CDH13: variants seen among roughly 807,000 people sequenced by gnomAD.
The protein encoded by CDH13 is cadherin 13, also known as cadherin-13.
A neutral mutation model predicts 63.8 loss-of-function variants in CDH13; 24 were observed. The ratio of observed to expected loss-of-function variants is 0.38; its 90% confidence interval spans 0.27 to 0.53. The LOEUF (loss-of-function observed/expected upper bound fraction) is 0.53. CDH13 is among the 20% of genes least tolerant of loss of function. The pLI is 0.85. For missense variants in CDH13, 1,049 were observed against 903.1 expected, an observed-to-expected ratio of 1.16 and a Z score of -2.07; for synonymous variants, 503 against 355.3, an observed-to-expected ratio of 1.42 and a Z score of -4.67.
At chr16:83,698,922 G>C (rs1273876820) in intron 10 of CDH13, among the ~76,000 whole-genome samples, 1 of 152,250 alleles carries the variant, frequency 6.6e-6, no homozygotes, top group Non-Finnish European at 1.5e-5. Context: ...TTGACACAGG[G>C]AGTCAGAGGG....
intron 5 of CDH13, among the ~76,000 whole-genome samples, chr16:83,293,899 T>G (rs1894948215): frequency 6.6e-6 from 1 of 152,218 alleles, no homozygotes; most frequent in African/African-American, 2.4e-5. Flanking sequence ...AATTATACTA[T>G]GCCCTTAGCA....
intron 6 of CDH13, among the ~76,000 whole-genome samples, chr16:83,392,583 G>C (rs1165772932): frequency 6.6e-6 from 1 of 152,090 alleles, no homozygotes; most frequent in African/African-American, 2.4e-5. Context: ...CCTGTCTTAG[G>C]TGTGCACACA....
intron 8 of CDH13, among the ~76,000 whole-genome samples, chr16:83,617,171 G>T (rs1029614347): frequency 6.6e-6 from 1 of 152,050 alleles, no homozygotes; most frequent in African/African-American, 2.4e-5. Context: ...TTTCATCTCC[G>T]CCTCTAGGGC....
chr16:83,634,662 A>T (rs952775705), intron 8 of CDH13, among the ~76,000 whole-genome samples: 1 of 152,000 alleles, frequency 6.6e-6, no homozygotes, highest in African/African-American at 2.4e-5. Context: ...CGGCCTCCCA[A>T]AGTGCTGGGA....
intron 2 of CDH13, among the ~76,000 whole-genome samples, chr16:82,907,999 A>G (rs1297729842): frequency 2.0e-5 from 3 of 152,174 alleles, no homozygotes; most frequent in Non-Finnish European, 4.4e-5. Flanking sequence ...ACCTTTCAGG[A>G]AAGGTACATG....
At chr16:83,680,442 C>A (rs577837122) in intron 10 of CDH13, among the ~76,000 whole-genome samples, 1 of 152,104 alleles carries the variant, frequency 6.6e-6, no homozygotes, top group African/African-American at 2.4e-5. Context: ...CCCATAGGTG[C>A]AGTCCCAGCA....
At chr16:83,037,874 C>T (rs1380124915) in intron 3 of CDH13, among the ~76,000 whole-genome samples, 3 of 152,156 alleles carry the variant, frequency 2.0e-5, no homozygotes, top group Non-Finnish European at 2.9e-5. Flanking sequence ...GTCTGTGTCA[C>T]AGAGTTGTTC....
rs373140023 is a variant in CDH13 at position 82,644,676 on chromosome 16, A to G, written c.45+17539A>G. On this transcript the variant is annotated intron_variant, in intron 1 of 13. Transcript: ENST00000567109. This position sits in a 1 kb window ranked among gnomAD's most constrained non-coding sequence, Gnocchi z 5.7. ...GGGCTGGGGCAGAAGTCAGGACTTG[A>G]ACTGGCTCTGGCTGGGACCCAGGCT... Among the ~76,000 whole-genome samples, 744 of 152,228 alleles carry G rather than the reference A, an allele frequency of 4.9e-3. 8 individuals are homozygous for G. The highest frequency in any genetic ancestry group is 0.017 in the African/African-American group (703 of 41,528).
intron 4 of CDH13, among the ~76,000 whole-genome samples, chr16:83,159,080 G>T (rs947819129): frequency 6.6e-6 from 1 of 151,368 alleles, no homozygotes; most frequent in Non-Finnish European, 1.5e-5. Flanking sequence ...TTGATTCTTT[G>T]TCTTGCCTTC....
intron 5 of CDH13, among the ~76,000 whole-genome samples, chr16:83,329,488 C>G (rs922812078): frequency 2.0e-5 from 3 of 151,502 alleles, no homozygotes; most frequent in Non-Finnish European, 4.4e-5. Flanking sequence ...GTGGCCACCT[C>G]GATCTCCCAA....
intron 4 of CDH13, among the ~76,000 whole-genome samples, chr16:83,142,859 T>C (rs1476818855): frequency 1.3e-5 from 2 of 152,128 alleles, no homozygotes; most frequent in East Asian, 3.9e-4. Flanking sequence ...TCCCAGCCCT[T>C]TGGGAGGCCG....
At chr16:83,568,585 G>A (rs4572386) in intron 7 of CDH13, among the ~76,000 whole-genome samples, 148,022 of 152,288 alleles carry the variant, frequency 0.97, 72,066 homozygotes, top group East Asian at 1. Context: ...AATCTGGCCA[G>A]TTCCCGAGTG....
chr16:82,634,191 G>T (rs975927003), intron 1 of CDH13, among the ~76,000 whole-genome samples: 2 of 152,254 alleles, frequency 1.3e-5, no homozygotes, highest in Non-Finnish European at 2.9e-5. Flanking sequence ...CCGGAAATGA[G>T]CTCAGCCTCT....
intron 3 of CDH13, among the ~76,000 whole-genome samples, chr16:83,105,679 G>C (rs1489353519): frequency 1.3e-5 from 2 of 152,126 alleles, no homozygotes; most frequent in African/African-American, 4.8e-5. Flanking sequence ...AATAAAGCCT[G>C]CATTTGCATG....
chr16:83,610,656 G>A (rs894409317), intron 8 of CDH13, among the ~76,000 whole-genome samples: 9 of 152,124 alleles, frequency 5.9e-5, no homozygotes, highest in Non-Finnish European at 8.8e-5. Flanking sequence ...GCACATAGCC[G>A]TAATCTATTC....
At chr16:83,674,086 G>C (rs908167996) in intron 9 of CDH13, among the ~76,000 whole-genome samples, 2 of 152,200 alleles carry the variant, frequency 1.3e-5, no homozygotes, top group Admixed American at 6.5e-5. Flanking sequence ...GCTAGGCCAT[G>C]CTCTCTGCTG....
At chr16:83,684,182 C>A (rs545648429) in intron 10 of CDH13, among the ~76,000 whole-genome samples, 56 of 152,250 alleles carry the variant, frequency 3.7e-4, no homozygotes, top group African/African-American at 1.3e-3. Flanking sequence ...GCCTGGCCAA[C>A]ATGACGAAAC....
chr16:83,411,828 C>T (rs1380794204), intron 6 of CDH13, among the ~76,000 whole-genome samples: 1 of 152,182 alleles, frequency 6.6e-6, no homozygotes, highest in African/African-American at 2.4e-5. Flanking sequence ...CATATGTGTA[C>T]TGGCATCTGA....
chr16:83,095,633 G>A (rs12716961), intron 3 of CDH13, among the ~76,000 whole-genome samples: 60,517 of 152,130 alleles, frequency 0.4, 12,845 homozygotes, highest in Middle Eastern at 0.58. Flanking sequence ...CTTGGCATAT[G>A]GTAGATGCTC....
Sources: allele counts gnomAD v4.1 joint callset (sites outside exome capture counted in the v4.1 genomes callset), GRCh38; gene constraint gnomAD v4.1.1; non-coding constraint Gnocchi (gnomAD v3.1); transcripts MANE v1.5; gene names NCBI Gene and HGNC (gene_info 2026-07-23, HGNC 2026-07-21).